The following MXRA5 variants were observed in gnomAD, a reference collection of about 807,000 sequenced individuals.
MXRA5 encodes matrix-remodeling-associated protein 5.
Under a neutral mutation model 112.5 loss-of-function variants are expected in MXRA5, and 41 were observed. That is an observed-to-expected ratio of 0.36 (90% CI 0.28 to 0.47). The LOEUF (loss-of-function observed/expected upper bound fraction) is 0.47. Among genes scored for constraint, MXRA5 ranks in the 20% least tolerant of loss-of-function variants. The pLI, the probability that MXRA5 is intolerant of heterozygous loss-of-function variation, is 0.99. For synonymous variants in MXRA5, 862 were observed against 900.8 expected, an observed-to-expected ratio of 0.96 and a Z score of 0.77; for missense variants, 2,150 against 2,251.0, an observed-to-expected ratio of 0.96 and a Z score of 0.91.
In MXRA5 at chrX:3,324,229, G is replaced by T. The variant is rs770441686; in HGVS notation, c.1456C>A (p.Gln486Lys). The change falls in exon 5 of 7, where the codon CAA becomes AAA. Residue 486 changes from glutamine (Q) to lysine (K), a missense_variant. Gln to Lys is a moderately conservative substitution (Grantham distance 53). Transcript: ENST00000217939. ...WVMIEPSGAV[Q>K]RDQTVLEGGP... is the part of the protein sequence containing the mutation. ...CCTTCCAGGACAGTCTGATCTCTTTGCACAGCTCCACTAGGCTCAATCATT... is the reference window on the plus strand; with the variant it reads ...CCTTCCAGGACAGTCTGATCTCTTTTCACAGCTCCACTAGGCTCAATCATT... The T allele has an allele frequency of 7.4e-6, 9 of 1,209,754 alleles. No homozygotes were observed. Among genetic ancestry groups the T allele is most frequent in the African/African-American group, 5.3e-5 (3 of 57,130 alleles).
At position 3,317,619 on chromosome X, in the gene MXRA5, C is replaced by A; in HGVS notation, c.6062G>T (p.Gly2021Val). 1 of 1,209,936 alleles carries A rather than the reference C, an allele frequency of 8.3e-7. No individual in the cohort carries two copies. Residue 2021 changes from glycine to valine, a missense_variant, in exon 6 of 7, where the codon GGC becomes GTC. Gly to Val is a moderately radical substitution (Grantham distance 109, BLOSUM62 -3). This residue lies in a region of MXRA5 where 1,485 missense variants were observed against 1,471.6 expected (regional missense o/e 1.01). Coordinates refer to ENST00000217939, the MANE Select transcript of MXRA5 (RefSeq NM_015419.4). ...ATTGCTGGCCACGCACTTATAGACG[C>A]CTCTGTCTGAGAAGGACGCCTCCTT... ...SIKEASFSDR[G>V]VYKCVASNAA...
At chrX:3,342,016 C>CAACAATGATAGACTGGAAA (rs11274866) in intron 2 of MXRA5, among the ~76,000 whole-genome samples, 44,214 of 107,672 alleles carry the variant, frequency 0.41, 7,239 homozygotes, top group Non-Finnish European at 0.49. Flanking sequence ...CCCATATGCC[C>CAACAATGATAGACTGGAAA]AAGAAAATGT....
chrX:3,333,468 G>A (rs898858483), intron 2 of MXRA5, among the ~76,000 whole-genome samples: 14 of 110,221 alleles, frequency 1.3e-4, no homozygotes, highest in Non-Finnish European at 2.5e-4. Flanking sequence ...AAACAAGATG[G>A]GAACTTAAAT....
intron 6 of MXRA5, among the ~76,000 whole-genome samples, chrX:3,316,096 G>C (rs1382012159): frequency 1.2e-4 from 7 of 58,092 alleles, no homozygotes; most frequent in South Asian, 7.7e-4. Context: ...CGGCGGATCA[G>C]GAGGTCAGGA....
In MXRA5 at chrX:3,321,193, TGGATGGGGACGA is replaced by T; in HGVS notation, c.4480_4491del (p.Ser1494_Ser1497del). 8.3e-7 allele frequency: 1 copy of T among 1,211,542 alleles called. No individual in the cohort carries two copies. The highest frequency in any genetic ancestry group is 1.1e-6 in the Non-Finnish European group (1 of 895,289). ...GTTTGTCCCAAAGACATGAGAATTG[TGGATGGGGACGA>T]GGATGCTGGCTCCTTCATCCGGGCA... On this transcript the variant is annotated inframe_deletion, in exon 5 of 7. Coordinates refer to ENST00000217939, the MANE Select transcript of MXRA5 (RefSeq NM_015419.4).
rs759871539 is a variant in MXRA5, at chrX:3,321,200, G to A, written c.4485C>T (p.Ser1495=). Reference sequence around the variant, plus strand: ...CCAAAGACATGAGAATTGTGGATGGGGACGAGGATGCTGGCTCCTTCATCC... The same window carrying A: ...CCAAAGACATGAGAATTGTGGATGGAGACGAGGATGCTGGCTCCTTCATCC... ...AARMKEPASS[S]PSTILMSLGQ... Residue 1495 remains serine, a synonymous_variant, in exon 5 of 7, where the codon TCC becomes TCT. Transcript: ENST00000217939. The A allele has an allele frequency of 8.3e-7, 1 of 1,211,463 alleles. No homozygotes were observed. Among genetic ancestry groups the A allele is most frequent in the Admixed American group, 2.2e-5 (1 of 46,041 alleles).
intron 4 of MXRA5, 81 bp from the exon 5 acceptor site, chrX:3,325,056 A>G: frequency 9.8e-7 from 1 of 1,018,741 alleles, no homozygotes; most frequent in Non-Finnish European, 1.3e-6. Flanking sequence ...GATAAAGCCT[A>G]TGTTTGCATC....
Position 3,321,104 on chromosome X carries a change from T to G in MXRA5, c.4581A>C (p.Glu1527Asp). 1 of 1,211,718 alleles carries G rather than the reference T, an allele frequency of 8.3e-7. No individual in the cohort carries two copies. The highest frequency in any genetic ancestry group is 1.1e-6 in the Non-Finnish European group (1 of 895,360). The change falls in exon 5 of 7, where the codon GAA becomes GAC. Residue 1527 changes from glutamate (E) to aspartate (D), a missense_variant. Coordinates refer to ENST00000217939, the MANE Select transcript of MXRA5 (RefSeq NM_015419.4). ...TCCCCACATAATTCAAGAAAACATT[T>G]TCCTTGGAATCTCTAGATGCTTGAG... ...RISQASRDSKENVFLNYVGNP... is the reference protein window; with the variant it reads ...RISQASRDSKDNVFLNYVGNP...
chrX:3,310,613 G>A lies in MXRA5; in HGVS notation c.7590C>T (p.Ile2530=). ...TGGGCTCCAGGACAGTGAGCTGCAG[G>A]ATCAACCTGGCCTCCCCTCCCTCGT... ...ARNEGGEARL[I]LQLTVLEPME... is the part of the protein sequence containing the mutation. The change falls in exon 7 of 7, where the codon ATC becomes ATT. Residue 2530 remains isoleucine, a synonymous_variant. Transcript: ENST00000217939. 1 of 862,037 alleles carries A rather than the reference G, an allele frequency of 1.2e-6. No individual in the cohort carries two copies. The highest frequency in any genetic ancestry group is 2.3e-5 in the South Asian group (1 of 42,660). The allele number at this position is 862,037 out of a possible 1,213,427, so 71.0% of individuals were successfully genotyped here. A position where few individuals can be genotyped will look rare whatever the true frequency, so the allele number is the denominator to read the frequency against.
In MXRA5 at chrX:3,320,307, G is replaced by A. The variant is rs1225413648; in HGVS notation, c.5378C>T (p.Pro1793Leu). ...AGTTGAGGGTGATCCCGTGGTCTGC[G>A]GAGTGTGCAACAACGGAGGTGCCGG... is the stretch of plus-strand genomic sequence containing the variant. ...GPPAPPLLHT[P>L]QTTGSPSTNL... is the part of the protein sequence containing the mutation. The change falls in exon 5 of 7, where the codon CCG (proline) becomes CTG (leucine). Residue 1793 changes from proline to leucine, a missense_variant. By Grantham distance (98) the Pro-to-Leu change is moderately conservative (BLOSUM62 -3). Transcript: ENST00000217939. The A allele has an allele frequency of 8.3e-6, 10 of 1,211,878 alleles. No individual in the cohort carries two copies. The highest frequency in any genetic ancestry group is 4.6e-4 in the Middle Eastern group (2 of 4,342).
chrX:3,327,441 A>G lies in MXRA5; in HGVS notation c.710-2466T>C, dbSNP rs952511829. ...CTCAGCGAATGAGCGCAGCCTCTAC[A>G]TGAATGCCCTGAAGATGATGAGCAG... On this transcript the variant is annotated intron_variant, in intron 4 of 6. Transcript: ENST00000217939. 1.1e-4 allele frequency among the ~76,000 whole-genome samples: 12 copies of G among 112,408 alleles called. 1 individual carries two copies. The highest frequency in any genetic ancestry group is 8.5e-4 in the Admixed American group (9 of 10,605).
Position 3,319,990 on chromosome X carries a change from G to T in MXRA5, c.5677+18C>A. ...AAATTGACCAAAAAAAAAAAAAGTA[G>T]ATGCTTAAACATCTTACCTGTGGAA... On this transcript the variant is annotated intron_variant, in intron 5 of 6. Transcript: ENST00000217939. The T allele has an allele frequency of 9.2e-7, 1 of 1,091,602 alleles. No individual in the cohort carries two copies. The highest frequency in any genetic ancestry group is 1.2e-6 in the Non-Finnish European group (1 of 816,026). 90.0% of individuals were successfully genotyped at this position (1,091,602 alleles called of 1,213,427 possible). A position where few individuals can be genotyped will look rare whatever the true frequency, so the allele number is the denominator to read the frequency against.
chrX:3,316,804 G>T (rs1483790849), intron 6 of MXRA5, among the ~76,000 whole-genome samples: 1 of 108,901 alleles, frequency 9.2e-6, no homozygotes, highest in Non-Finnish European at 1.9e-5. Flanking sequence ...AGCCTCCAGA[G>T]TAGCTGGGAC....
Position 3,317,751 on chromosome X carries a change from G to T in MXRA5, c.5930C>A (p.Thr1977Asn), listed in dbSNP as rs1251716033. Residue 1977 changes from threonine to asparagine, a missense_variant, in exon 6 of 7, where the codon ACC (threonine) becomes AAC (asparagine). By Grantham distance (65) the Thr-to-Asn change is moderately conservative. This residue lies in a region of MXRA5 where 1,485 missense variants were observed against 1,471.6 expected (regional missense o/e 1.01). Coordinates refer to ENST00000217939, the MANE Select transcript of MXRA5 (RefSeq NM_015419.4). ...TIAMECLAKGTPAPQISWIFP... is the reference protein window; with the variant it reads ...TIAMECLAKGNPAPQISWIFP... ...GATCCAGGAAATTTGGGGGGCTGGG[G>T]TCCCTTTGGCCAGACACTCCATTGC... is the stretch of plus-strand genomic sequence containing the variant. 12 of 1,208,513 alleles carry T rather than the reference G, an allele frequency of 9.9e-6. No individual in the cohort carries two copies. The highest frequency in any genetic ancestry group is 1.3e-5 in the Non-Finnish European group (12 of 893,436).
At chrX:3,344,164 G>A (rs1448697727) in intron 1 of MXRA5, among the ~76,000 whole-genome samples, 4 of 105,473 alleles carry the variant, frequency 3.8e-5, no homozygotes, top group Non-Finnish European at 7.6e-5. Flanking sequence ...AGACGAGAGA[G>A]AGAGAGAGAG....
intron 2 of MXRA5, among the ~76,000 whole-genome samples, chrX:3,341,904 G>A (rs1035560029): frequency 1.9e-5 from 2 of 106,261 alleles, no homozygotes; most frequent in Non-Finnish European, 3.8e-5. Flanking sequence ...CACCAAGGGT[G>A]GAGGAAAAAG....
intron 4 of MXRA5, among the ~76,000 whole-genome samples, chrX:3,329,564 G>A (rs1921613083): frequency 1.1e-5 from 1 of 90,845 alleles, no homozygotes; most frequent in Admixed American, 1.2e-4. Flanking sequence ...TAGATCAATA[G>A]TGAGAATCGC....
At position 3,313,540 on chromosome X, in the gene MXRA5, G is replaced by A. The variant is rs751615456; in HGVS notation, c.6579-1916C>T. ...CTCCCAAAGTGCTGGGATTACAGGTGTGAGCCACTGCGCCTGGCTCAATAT... is the reference window on the plus strand; with the variant it reads ...CTCCCAAAGTGCTGGGATTACAGGTATGAGCCACTGCGCCTGGCTCAATAT... On this transcript the variant is annotated intron_variant, in intron 6 of 6. Transcript: ENST00000217939. 5.3e-5 allele frequency among the ~76,000 whole-genome samples: 6 copies of A among 112,520 alleles called. No individual in the cohort carries two copies. The South Asian group carries it at 1.5e-3, about 28-fold the overall frequency.
intron 6 of MXRA5, among the ~76,000 whole-genome samples, chrX:3,315,066 T>A (rs1921059048): frequency 9.2e-6 from 1 of 108,428 alleles, no homozygotes; most frequent in Admixed American, 9.9e-5. Flanking sequence ...TTACTTGACC[T>A]CAGCCGTAGT....
Sources: gnomAD v4.1 joint callset for allele counts (sites outside exome capture counted in the v4.1 genomes callset) on GRCh38, gnomAD v4.1.1 for gene constraint, gnomAD v4.1.1 regional missense constraint, MANE v1.5 for transcripts, NCBI Gene and HGNC (gene_info 2026-07-23, HGNC 2026-07-21) for gene names.